Variants in TLN2 observed in about 807,000 individuals in gnomAD.
TLN2 encodes the protein talin 2, also known as talin-2.
TLN2 carries 118 observed loss-of-function variants against 294.7 expected under a neutral mutation model. That is an observed-to-expected ratio of 0.40 (90% CI 0.34 to 0.47). The LOEUF (loss-of-function observed/expected upper bound fraction) is 0.47, where lower values mean the gene tolerates loss of function less well. Ranked by LOEUF, TLN2 falls within the 20% of genes least tolerant of loss-of-function variation. The pLI is 0.84. For missense variants in TLN2, 3,083 were observed against 3,282.2 expected (o/e 0.94, Z 1.48); for synonymous variants, 1,431 against 1,304.5 (o/e 1.10, Z -2.09).
intron 33 of TLN2, among the ~76,000 whole-genome samples, chr15:62,748,711 G>C (rs1393977281): frequency 2.6e-5 from 4 of 152,186 alleles, no homozygotes; most frequent in Middle Eastern, 3.2e-3. Flanking sequence ...TTTGTTAAAG[G>C]ATTCTTTATT....
intron 3 of TLN2, among the ~76,000 whole-genome samples, chr15:62,624,098 A>G (rs2049059413): frequency 6.6e-6 from 1 of 152,172 alleles, no homozygotes; most frequent in Non-Finnish European, 1.5e-5. Context: ...TAATAGAGCT[A>G]CACGTGAGTT....
At chr15:62,742,512 T>C (rs2061396789) in intron 32 of TLN2, among the ~76,000 whole-genome samples, 1 of 152,170 alleles carries the variant, frequency 6.6e-6, no homozygotes, top group African/African-American at 2.4e-5. Context: ...TAAATTGCCC[T>C]TTTGAAAGCC....
chr15:62,461,780 G>A (rs932567972), intron 1 of TLN2, among the ~76,000 whole-genome samples: 1 of 152,230 alleles, frequency 6.6e-6, no homozygotes, highest in Admixed American at 6.5e-5. Flanking sequence ...GAGGGGAAGA[G>A]CATGCACAGG....
intron 1 of TLN2, among the ~76,000 whole-genome samples, chr15:62,583,814 T>C (rs972972577): frequency 1.3e-4 from 20 of 152,226 alleles, no homozygotes; most frequent in Admixed American, 2.0e-4. Context: ...CTATTACTAA[T>C]TGATTTTTAT....
intron 1 of TLN2, among the ~76,000 whole-genome samples, chr15:62,496,370 G>A (rs996669091): frequency 7.9e-5 from 10 of 126,616 alleles, no homozygotes; most frequent in African/African-American, 3.1e-4. Flanking sequence ...GAAATTACAC[G>A]GAACCACATC....
intron 1 of TLN2, among the ~76,000 whole-genome samples, chr15:62,523,738 G>A (rs1311845783): frequency 6.6e-6 from 1 of 152,082 alleles, no homozygotes; most frequent in Non-Finnish European, 1.5e-5. Flanking sequence ...TTTAAAACGT[G>A]GTACATTTAT....
At chr15:62,740,051 T>TG (rs975180914) in intron 31 of TLN2, among the ~76,000 whole-genome samples, 1 of 151,218 alleles carries the variant, frequency 6.6e-6, no homozygotes, top group Non-Finnish European at 1.5e-5. Context: ...TTTTTTGTTT[T>TG]TTTTTTTTTT....
intron 2 of TLN2, among the ~76,000 whole-genome samples, chr15:62,602,517 C>T (rs111908761): frequency 1.9e-4 from 29 of 152,334 alleles, no homozygotes; most frequent in African/African-American, 7.0e-4. Flanking sequence ...TCTGTAGTCT[C>T]TTAGTCCATT....
At chr15:62,750,701 C>T (rs981924939) in intron 34 of TLN2, among the ~76,000 whole-genome samples, 1 of 152,144 alleles carries the variant, frequency 6.6e-6, no homozygotes, top group Admixed American at 6.5e-5. Flanking sequence ...ATACAGATTG[C>T]CTACCCCCAA....
At chr15:62,479,735 C>T (rs2037980484) in intron 1 of TLN2, among the ~76,000 whole-genome samples, 1 of 152,234 alleles carries the variant, frequency 6.6e-6, no homozygotes, top group South Asian at 2.1e-4. Flanking sequence ...ATCCGCCTGC[C>T]TCAGCCTCCC....
At chr15:62,668,755 C>A (rs1054840926) in intron 9 of TLN2, among the ~76,000 whole-genome samples, 11 of 152,160 alleles carry the variant, frequency 7.2e-5, no homozygotes, top group African/African-American at 1.2e-4. Flanking sequence ...CGGCTTCCCA[C>A]GGCTTTTGTC....
chr15:62,399,256 CAAAAAAAAAAA>C (rs546678440), intron 1 of TLN2, among the ~76,000 whole-genome samples: 336 of 58,454 alleles, frequency 5.7e-3, no homozygotes, highest in African/African-American at 0.023. Flanking sequence ...CCGTCTCAAA[CAAAAAAAAAAA>C]AAAAAAAAAA....
intron 1 of TLN2, among the ~76,000 whole-genome samples, chr15:62,522,829 T>G (rs2040528765): frequency 6.6e-6 from 1 of 152,120 alleles, no homozygotes; most frequent in Non-Finnish European, 1.5e-5. Context: ...CTCTCTCATG[T>G]GCAGTTAACT....
At chr15:62,827,943 T>C (rs74020682) in intron 54 of TLN2, 9,302 of 152,288 alleles carry the variant, frequency 0.061, 505 homozygotes, top group East Asian at 0.21. Context: ...AAAGGCCAAA[T>C]GTCAAAAGAA....
intron 52 of TLN2, among the ~76,000 whole-genome samples, chr15:62,815,861 G>T (rs1211763231): frequency 1.3e-5 from 2 of 152,156 alleles, no homozygotes; most frequent in African/African-American, 4.8e-5. Flanking sequence ...AATACATTTT[G>T]TATCTGTTCC....
intron 1 of TLN2, among the ~76,000 whole-genome samples, chr15:62,587,954 C>T (rs1374338857): frequency 6.6e-6 from 1 of 152,012 alleles, no homozygotes; most frequent in African/African-American, 2.4e-5. Flanking sequence ...GATCTCGGCT[C>T]ACTGCAAGCT....
At chr15:62,761,256 G>A (rs899998740) in intron 37 of TLN2, among the ~76,000 whole-genome samples, 1 of 152,288 alleles carries the variant, frequency 6.6e-6, no homozygotes. Flanking sequence ...ATACAATACG[G>A]TATGTTTATT....
chr15:62,722,330 A>T (rs2060198488), intron 25 of TLN2, 23 bp from the exon 26 acceptor site: 1 of 1,588,910 alleles, frequency 6.3e-7, no homozygotes, highest in Non-Finnish European at 8.6e-7. Context: ...GAGCCATCTT[A>T]CTTTCTTTTC....
intron 42 of TLN2, among the ~76,000 whole-genome samples, chr15:62,775,751 C>T (rs1382885951): frequency 6.6e-6 from 1 of 152,236 alleles, no homozygotes; most frequent in Non-Finnish European, 1.5e-5. Context: ...GTCTACTTCC[C>T]CAACAAGGTG....
Sources: allele counts gnomAD v4.1 joint callset (sites outside exome capture counted in the v4.1 genomes callset), GRCh38; gene constraint gnomAD v4.1.1; transcripts MANE v1.5; gene names NCBI Gene and HGNC (gene_info 2026-07-23, HGNC 2026-07-21).